The following PRR3 variants were observed in gnomAD, a reference collection of about 807,000 sequenced individuals.
PRR3 encodes proline-rich protein 3.
A neutral mutation model predicts 22.4 loss-of-function variants in PRR3; 16 were observed. The ratio of observed to expected loss-of-function variants is 0.71; its 90% CI spans 0.48 to 1.09. The LOEUF is 1.09. Ranked by LOEUF, PRR3 falls within the 50% of genes least tolerant of loss-of-function variation. The probability of loss-of-function intolerance (pLI) is 0.00; values close to 1 mark genes in which losing one functional copy is unlikely to be tolerated. For synonymous variants in PRR3, 87 were observed against 88.6 expected (o/e 0.98, Z 0.10); for missense variants, 224 against 243.4 (o/e 0.92, Z 0.53).
In PRR3 at chr6:30,561,748, T is replaced by C. The variant is rs781351282; in HGVS notation, c.170-86T>C. On this transcript the variant is annotated intron_variant, in intron 2 of 3. Transcript: ENST00000376560. The surrounding 1 kb of genome is among the most constrained non-coding windows in gnomAD (Gnocchi z 4.0). Reference sequence around the variant, plus strand: ...TGTCTTTATGTATGCTGTTCTTCAATAAAAAAAATTTTTTTAATCACGGTT... The same window carrying C: ...TGTCTTTATGTATGCTGTTCTTCAACAAAAAAAATTTTTTTAATCACGGTT... The C allele has an allele frequency of 2.5e-5, 33 of 1,330,482 alleles. No homozygotes were observed. The highest frequency in any genetic ancestry group is 5.8e-5 in the Admixed American group (2 of 34,668). 82.4% of individuals were successfully genotyped at this position (1,330,482 alleles called of 1,614,324 possible). A position where few individuals can be genotyped will look rare whatever the true frequency, so the allele number is the denominator to read the frequency against.
At chr6:30,559,809 C>CAA (rs775433258) in intron 2 of PRR3, among the ~76,000 whole-genome samples, 18 of 139,720 alleles carry the variant, frequency 1.3e-4, no homozygotes, top group South Asian at 4.6e-4. Flanking sequence ...AGGTATATAT[C>CAA]AAAAAAAAAA....
Position 30,562,639 on chromosome 6 carries a change from T to C in PRR3, c.*144T>C. 1.6e-6 allele frequency: 1 copy of C among 627,530 alleles called. No homozygotes were observed. The highest frequency in any genetic ancestry group is 2.8e-6 in the Non-Finnish European group (1 of 354,656). 38.9% of individuals were successfully genotyped at this position (627,530 alleles called of 1,614,324 possible). On this transcript the variant is annotated 3_prime_UTR_variant, in exon 4 of 4. Coordinates refer to ENST00000376560, the MANE Select transcript of PRR3 (RefSeq NM_025263.4). ...CCCATCCCATCCACCACTTCCCCCG[T>C]GTGGGGTCCAGAGTGGTGTTGCATC...
At position 30,558,074 on chromosome 6, in the gene PRR3, C is replaced by A. The variant is rs942863862; in HGVS notation, c.107-76C>A. The A allele has an allele frequency of 1.7e-5, 22 of 1,276,108 alleles. No individual in the cohort carries two copies. The African/African-American group carries it at 2.8e-4, about 16-fold the overall frequency. 79.0% of individuals were successfully genotyped at this position (1,276,108 alleles called of 1,614,324 possible). ...TGGTTGAATTAAGAAATAAGTAATA[C>A]AAGAAAAACACCTAAGAACAGAATC... On this transcript the variant is annotated intron_variant, in intron 1 of 3. Transcript: ENST00000376560.
chr6:30,561,386 G>A lies in PRR3; in HGVS notation c.170-448G>A, dbSNP rs1280621894. On this transcript the variant is annotated intron_variant, in intron 2 of 3. Transcript: ENST00000376560. The surrounding 1 kb of genome is among the most constrained non-coding windows in gnomAD (Gnocchi z 4.0). The stretch of plus-strand genomic sequence containing the variant: ...CAGTAGAATGGATAAATAAATTGTT[G>A]TGTATGCATGCAATGGGACTACACT... 8.6e-6 allele frequency: 4 copies of A among 466,634 alleles called. No individual in the cohort carries two copies. Among genetic ancestry groups the A allele is most frequent in the African/African-American group, 7.9e-5 (4 of 50,498 alleles). The allele number at this position is 466,634 out of a possible 1,614,324, so 28.9% of individuals were successfully genotyped here. A position where few individuals can be genotyped will look rare whatever the true frequency, so the allele number is the denominator to read the frequency against.
At chr6:30,560,980 G>A (rs138196845) in intron 2 of PRR3, 2 of 173,082 alleles carry the variant, frequency 1.2e-5, no homozygotes, top group African/African-American at 2.4e-5. Context: ...AGGATCACTT[G>A]AGCCCAAGAG....
rs1800704439 is a variant in PRR3, at chr6:30,562,450, C to T, written c.522C>T (p.Asp174=). 1.9e-6 allele frequency: 3 copies of T among 1,613,990 alleles called. No individual in the cohort carries two copies. Among genetic ancestry groups the T allele is most frequent in the Admixed American group, 1.7e-5 (1 of 60,016 alleles). The stretch of plus-strand genomic sequence containing the variant: ...AAAAGGGCCACTGTCGATATGAGGA[C>T]CTCTGTGCCTTCTACCATCCAGGCG... ...FAKKGHCRYE[D]LCAFYHPGVN... is the part of the protein sequence containing the mutation. The change falls in exon 4 of 4, where the codon GAC becomes GAT. Residue 174 remains aspartate (D), a synonymous_variant. Transcript: ENST00000376560.
At position 30,558,204 on chromosome 6, in the gene PRR3, C is replaced by G. The variant is rs375331510; in HGVS notation, c.161C>G (p.Pro54Arg). ...ATGGCCAATGGAAAACCTGGCGACC[C>G]TAAGTCAGGTGAGGAGGAAGGGGCC... ...PPMANGKPGD[P>R]KSALHRGPPG... is the part of the protein sequence containing the mutation. The change falls in exon 2 of 4, where the codon CCT (proline) becomes CGT (arginine). Residue 54 changes from proline (P) to arginine (R), a missense_variant. Physicochemically the swap from Pro to Arg is moderately radical, Grantham distance 103. Coordinates refer to ENST00000376560, the MANE Select transcript of PRR3 (RefSeq NM_025263.4). 14 of 1,612,742 alleles carry G rather than the reference C, an allele frequency of 8.7e-6. No individual in the cohort carries two copies. The African/African-American group carries it at 1.9e-4, about 22-fold the overall frequency.
rs767437171 is a variant in PRR3 at position 30,561,108 on chromosome 6, A to G, written c.170-726A>G. 1 of 235,220 alleles carries G rather than the reference A, an allele frequency of 4.3e-6. No individual in the cohort carries two copies. Among genetic ancestry groups the G allele is most frequent in the Non-Finnish European group, 8.5e-6 (1 of 117,856 alleles). The allele number at this position is 235,220 out of a possible 1,614,324, so 14.6% of individuals were successfully genotyped here. ...TCACCATGGCAAAATTTAAAAACCT[A>G]ACAATTCCAAGTGTTGTCAAGGCTA... On this transcript the variant is annotated intron_variant, in intron 2 of 3. Coordinates refer to ENST00000376560, the MANE Select transcript of PRR3 (RefSeq NM_025263.4). The surrounding 1 kb of genome is among the most constrained non-coding windows in gnomAD (Gnocchi z 4.0).
rs1800385201 is a variant in PRR3 at position 30,558,173 on chromosome 6, C to A, written c.130C>A (p.Pro44Thr). The change falls in exon 2 of 4, where the codon CCC becomes ACC. Residue 44 changes from proline (P) to threonine (T), a missense_variant. Pro to Thr is a conservative substitution (Grantham distance 38). Transcript: ENST00000376560. ...PIGPPSLLGP[P>T]PMANGKPGDP... is the part of the protein sequence containing the mutation. The stretch of plus-strand genomic sequence containing the variant: ...AGGACCACCCAGCCTTCTGGGCCCT[C>A]CCCCCATGGCCAATGGAAAACCTGG... The A allele has an allele frequency of 1.9e-6, 3 of 1,612,562 alleles. No individual in the cohort carries two copies. The highest frequency in any genetic ancestry group is 1.3e-5 in the African/African-American group (1 of 74,898).
rs1273994424 is a variant in PRR3 at position 30,563,621 on chromosome 6, G to A, written c.*1126G>A. ...GGAGTTGTATTGGCAAGAGGGAGGGGTGAGAGCTGTTGGAGAACTGAGAAT... is the reference window on the plus strand; with the variant it reads ...GGAGTTGTATTGGCAAGAGGGAGGGATGAGAGCTGTTGGAGAACTGAGAAT... On this transcript the variant is annotated 3_prime_UTR_variant, in exon 4 of 4. Coordinates refer to ENST00000376560, the MANE Select transcript of PRR3 (RefSeq NM_025263.4). 1 of 152,142 alleles carries A rather than the reference G, an allele frequency of 6.6e-6. No individual in the cohort carries two copies. The highest frequency in any genetic ancestry group is 2.1e-4 in the South Asian group (1 of 4,780). The allele number at this position is 152,142 out of a possible 1,614,324, so 9.4% of individuals were successfully genotyped here.
upstream of PRR3, chr6:30,557,008 G>A (rs1259969567): frequency 7.3e-6 from 5 of 680,294 alleles, no homozygotes; most frequent in African/African-American, 8.8e-5. Flanking sequence ...CCTCTTCTCA[G>A]GCCCTCTGGC....
chr6:30,558,008 G>A (rs1285842079), intron 1 of PRR3, 142 bp from the exon 2 acceptor site: 1 of 679,090 alleles, frequency 1.5e-6, no homozygotes, highest in Non-Finnish European at 2.5e-6. Flanking sequence ...GATAGATGGG[G>A]TGAGAACTCC....
chr6:30,561,787 C>A lies in PRR3; in HGVS notation c.170-47C>A. ...TTAATCACGGTTTATCAGGATTCAG[C>A]TGCCCATTAGACACCTTTCTGTGTC... is the stretch of plus-strand genomic sequence containing the variant. On this transcript the variant is annotated intron_variant, in intron 2 of 3. Transcript: ENST00000376560. This position sits in a 1 kb window ranked among gnomAD's most constrained non-coding sequence, Gnocchi z 4.0. 1 of 1,469,820 alleles carries A rather than the reference C, an allele frequency of 6.8e-7. No homozygotes were observed. Among genetic ancestry groups the A allele is most frequent in the Admixed American group, 2.7e-5 (1 of 36,490 alleles). The allele number at this position is 1,469,820 out of a possible 1,614,324, so 91.0% of individuals were successfully genotyped here. A position where few individuals can be genotyped will look rare whatever the true frequency, so the allele number is the denominator to read the frequency against.
chr6:30,563,619 G>A lies in PRR3; in HGVS notation c.*1124G>A, dbSNP rs1342667786. 1 of 152,430 alleles carries A rather than the reference G, an allele frequency of 6.6e-6. No homozygotes were observed. The highest frequency in any genetic ancestry group is 2.4e-5 in the African/African-American group (1 of 41,372). The allele number at this position is 152,430 out of a possible 1,614,324, so 9.4% of individuals were successfully genotyped here. A position where few individuals can be genotyped will look rare whatever the true frequency, so the allele number is the denominator to read the frequency against. ...CAGGAGTTGTATTGGCAAGAGGGAG[G>A]GGTGAGAGCTGTTGGAGAACTGAGA... On this transcript the variant is annotated 3_prime_UTR_variant, in exon 4 of 4. Transcript: ENST00000376560.
chr6:30,562,313 T>A, intron 3 of PRR3, 76 bp from the exon 4 acceptor site: 1 of 1,248,742 alleles, frequency 8.0e-7, no homozygotes, highest in Non-Finnish European at 1.2e-6. Context: ...CAGTTCTCCT[T>A]CTGTCTCTGC....
Position 30,562,685 on chromosome 6 carries a change from C to A in PRR3, c.*190C>A. Reference sequence around the variant, plus strand: ...GCATCACTGGTGCGCGGCATACGCGCTTTCTTCTGATCCAGCCTGTAGAGA... The same window carrying A: ...GCATCACTGGTGCGCGGCATACGCGATTTCTTCTGATCCAGCCTGTAGAGA... On this transcript the variant is annotated 3_prime_UTR_variant, in exon 4 of 4. Transcript: ENST00000376560. The A allele has an allele frequency of 1.9e-6, 1 of 530,796 alleles. No individual in the cohort carries two copies. 32.9% of individuals were successfully genotyped at this position (530,796 alleles called of 1,614,324 possible).
At chr6:30,557,188 T>C (rs1183911837), upstream of PRR3, 6 of 719,194 alleles carry the variant, frequency 8.3e-6, no homozygotes, top group South Asian at 8.8e-5. Context: ...GGCTCCGGAA[T>C]GCGGCCGCCG....
At chr6:30,559,128 A>G (rs1457114263) in intron 2 of PRR3, among the ~76,000 whole-genome samples, 1 of 152,246 alleles carries the variant, frequency 6.6e-6, no homozygotes, top group Non-Finnish European at 1.5e-5. Flanking sequence ...CTGTAATCCC[A>G]GCACTTTGGG....
rs983822023 is a variant in PRR3, at chr6:30,563,429, T to C, written c.*934T>C. 2 of 152,736 alleles carry C rather than the reference T, an allele frequency of 1.3e-5. No homozygotes were observed. Among genetic ancestry groups the C allele is most frequent in the African/African-American group, 2.4e-5 (1 of 41,468 alleles). 9.5% of individuals were successfully genotyped at this position (152,736 alleles called of 1,614,324 possible). A position where few individuals can be genotyped will look rare whatever the true frequency, so the allele number is the denominator to read the frequency against. On this transcript the variant is annotated 3_prime_UTR_variant, in exon 4 of 4. Transcript: ENST00000376560. ...ATGTCATTGTGAGGCCACCAGTCCATTCATTTGAATTCTGTGAATCTCCAC... is the reference window on the plus strand; with the variant it reads ...ATGTCATTGTGAGGCCACCAGTCCACTCATTTGAATTCTGTGAATCTCCAC...
Sources: allele counts gnomAD v4.1 joint callset (sites outside exome capture counted in the v4.1 genomes callset), GRCh38; gene constraint gnomAD v4.1.1; non-coding constraint Gnocchi (gnomAD v3.1); transcripts MANE v1.5; gene names NCBI Gene and HGNC (gene_info 2026-07-23, HGNC 2026-07-21).